ASIC2: variants seen among roughly 807,000 people sequenced by gnomAD.
ASIC2 encodes acid-sensing ion channel 2.
A neutral mutation model predicts 57.3 loss-of-function variants in ASIC2; 25 were observed. That is an observed-to-expected ratio of 0.44 (90% CI 0.32 to 0.61). The LOEUF (loss-of-function observed/expected upper bound fraction) is 0.61, where lower values mean the gene tolerates loss of function less well. ASIC2 is among the 20% of genes least tolerant of loss of function. The pLI, the probability that ASIC2 is intolerant of heterozygous loss-of-function variation, is 0.06. For synonymous variants in ASIC2, 319 were observed against 307.5 expected (o/e 1.04, Z -0.39); for missense variants, 641 against 738.1 (o/e 0.87, Z 1.52).
intron 1 of ASIC2, among the ~76,000 whole-genome samples, chr17:34,008,315 A>C (rs192875404): frequency 6.4e-4 from 98 of 152,294 alleles, no homozygotes; most frequent in African/African-American, 2.3e-3. Flanking sequence ...CCAAGCCATG[A>C]ATCAGTCTCT....
intron 1 of ASIC2, among the ~76,000 whole-genome samples, chr17:33,627,857 C>T (rs1393338703): frequency 2.6e-5 from 4 of 152,154 alleles, no homozygotes; most frequent in African/African-American, 9.7e-5. Context: ...CCAGTGAGTT[C>T]TCAGGCTGTC....
chr17:34,011,762 T>C (rs1906773825), intron 1 of ASIC2, among the ~76,000 whole-genome samples: 1 of 152,172 alleles, frequency 6.6e-6, no homozygotes, highest in Non-Finnish European at 1.5e-5. Context: ...GACTTTTAAG[T>C]AGCATCTGAC....
At chr17:33,462,048 G>A (rs377496021) in intron 1 of ASIC2, among the ~76,000 whole-genome samples, 317 of 152,272 alleles carry the variant, frequency 2.1e-3, no homozygotes, top group Non-Finnish European at 3.6e-3. Context: ...GAGAGACCGC[G>A]TATTTCATGA....
At chr17:33,264,645 A>C (rs1195507294) in intron 1 of ASIC2, among the ~76,000 whole-genome samples, 1 of 152,228 alleles carries the variant, frequency 6.6e-6, no homozygotes, top group Non-Finnish European at 1.5e-5. Context: ...ACAATGTCAG[A>C]TCAAGAGCCA....
chr17:33,662,668 T>TAATAAATAAAA (rs530248877), intron 1 of ASIC2, among the ~76,000 whole-genome samples: 27 of 128,102 alleles, frequency 2.1e-4, no homozygotes, highest in African/African-American at 7.9e-4. Flanking sequence ...AATAAATAAA[T>TAATAAATAAAA]AAGTAAAATA....
chr17:33,996,516 A>C (rs1459610657), intron 1 of ASIC2, among the ~76,000 whole-genome samples: 1 of 152,134 alleles, frequency 6.6e-6, no homozygotes, highest in Non-Finnish European at 1.5e-5. Context: ...ATGCATTTCA[A>C]GTTAATTTTT....
intron 1 of ASIC2, among the ~76,000 whole-genome samples, chr17:33,483,785 A>T (rs941219611): frequency 6.6e-6 from 1 of 152,250 alleles, no homozygotes; most frequent in Non-Finnish European, 1.5e-5. Flanking sequence ...GCTGAATAAT[A>T]GCCCACAAAT....
Position 34,122,318 on chromosome 17 carries a change from G to T in ASIC2, c.555+33660C>A, listed in dbSNP as rs1367954304. Among the ~76,000 whole-genome samples, 4 of 152,316 alleles carry T rather than the reference G, an allele frequency of 2.6e-5. No individual in the cohort carries two copies. The South Asian group carries it at 8.3e-4, about 32-fold the overall frequency. On this transcript the variant is annotated intron_variant, in intron 1 of 9. Transcript: ENST00000359872. ...AGCAAGTGGCAGAAGGGGCACAAGG[G>T]AGCGAGGGTCCAGCCCAGGCAGCCG...
At chr17:34,109,478 T>G (rs891112130) in intron 1 of ASIC2, among the ~76,000 whole-genome samples, 2 of 152,194 alleles carry the variant, frequency 1.3e-5, no homozygotes, top group Admixed American at 1.3e-4. Flanking sequence ...TCTTAGAATA[T>G]GAGAATCATC....
chr17:33,162,991 G>C (rs1905205035), intron 1 of ASIC2, among the ~76,000 whole-genome samples: 1 of 152,174 alleles, frequency 6.6e-6, no homozygotes, highest in African/African-American at 2.4e-5. Flanking sequence ...ACTGAACTCT[G>C]ACTGAGAGTC....
intron 1 of ASIC2, among the ~76,000 whole-genome samples, chr17:33,313,579 C>T (rs1031951840): frequency 8.5e-5 from 13 of 152,226 alleles, no homozygotes; most frequent in Admixed American, 7.8e-4. Context: ...CTCTACAAAT[C>T]CCTGTGCTTT....
chr17:34,132,301 CAA>C lies in ASIC2; in HGVS notation c.555+23675_555+23676del, dbSNP rs574999517. 2.7e-3 allele frequency among the ~76,000 whole-genome samples: 412 copies of C among 152,168 alleles called. 4 individuals are homozygous for C. Among genetic ancestry groups the C allele is most frequent in the African/African-American group, 9.3e-3 (386 of 41,492 alleles). ...ACAGCTCTTAAAGGTTGCGCAGACC[CAA>C]AGAGTGAGCAGCAGCAAGATTTATT... is the stretch of plus-strand genomic sequence containing the variant. On this transcript the variant is annotated intron_variant, in intron 1 of 9. Coordinates refer to the ASIC2 transcript ENST00000359872.
At chr17:33,237,082 A>G (rs968594254) in intron 1 of ASIC2, among the ~76,000 whole-genome samples, 1 of 152,214 alleles carries the variant, frequency 6.6e-6, no homozygotes, top group South Asian at 2.1e-4. Flanking sequence ...CTGTAATCCC[A>G]TTTTGATACA....
At chr17:33,735,151 C>T (rs2142093604) in intron 1 of ASIC2, among the ~76,000 whole-genome samples, 1 of 152,154 alleles carries the variant, frequency 6.6e-6, no homozygotes, top group East Asian at 1.9e-4. Context: ...AACTCTTCAC[C>T]CTCATACTCT....
At chr17:33,888,157 T>A (rs1914874558) in intron 1 of ASIC2, among the ~76,000 whole-genome samples, 1 of 152,188 alleles carries the variant, frequency 6.6e-6, no homozygotes, top group Non-Finnish European at 1.5e-5. Flanking sequence ...CACCTATCTA[T>A]ACATACATGT....
intron 1 of ASIC2, among the ~76,000 whole-genome samples, chr17:33,450,807 C>T (rs1912218685): frequency 6.6e-6 from 1 of 152,140 alleles, no homozygotes; most frequent in Non-Finnish European, 1.5e-5. Flanking sequence ...ATGTACCCCT[C>T]AGTCATCACT....
At chr17:33,545,208 A>T (rs1915541346) in intron 1 of ASIC2, among the ~76,000 whole-genome samples, 2 of 152,200 alleles carry the variant, frequency 1.3e-5, no homozygotes, top group Admixed American at 1.3e-4. Context: ...TTAAAGAAAT[A>T]TGACAATTTA....
intron 1 of ASIC2, among the ~76,000 whole-genome samples, chr17:33,429,369 G>GT (rs1281578125): frequency 1.3e-5 from 2 of 152,020 alleles, no homozygotes; most frequent in African/African-American, 4.8e-5. Flanking sequence ...AGCCTAGGTA[G>GT]TTTTTTGTTT....
chr17:33,339,374 G>C (rs951615173), intron 1 of ASIC2, among the ~76,000 whole-genome samples: 2 of 152,186 alleles, frequency 1.3e-5, no homozygotes, highest in Non-Finnish European at 2.9e-5. Context: ...TCCTGTTGTA[G>C]AGCAACAGCA....
Sources: gnomAD v4.1 joint callset for allele counts (sites outside exome capture counted in the v4.1 genomes callset) on GRCh38, gnomAD v4.1.1 for gene constraint, MANE v1.5 for transcripts, NCBI Gene and HGNC (gene_info 2026-07-23, HGNC 2026-07-21) for gene names.